Variants in PCDH15 observed in about 807,000 individuals in gnomAD.
PCDH15 encodes the protein protocadherin related 15, also known as protocadherin-15.
PCDH15 carries 129 observed loss-of-function variants against 178.5 expected under a neutral mutation model. That is an observed-to-expected ratio of 0.72 (90% CI 0.63 to 0.84). The LOEUF is 0.84. Among genes scored for constraint, PCDH15 ranks in the 40% least tolerant of loss-of-function variants. PCDH15 has a pLI of 0.00. For synonymous variants in PCDH15, 800 were observed against 732.0 expected (o/e 1.09, Z -1.50); for missense variants, 2,230 against 2,099.9 (o/e 1.06, Z -1.21).
chr10:55,040,101 C>T (rs1262698644), intron 2 of PCDH15, among the ~76,000 whole-genome samples: 1 of 151,992 alleles, frequency 6.6e-6, no homozygotes, highest in African/African-American at 2.4e-5. Flanking sequence ...AATAAGATCT[C>T]ATGGCAATAA....
Position 53,984,741 on chromosome 10 carries a change from GT to G in PCDH15, c.2868+10907del, listed in dbSNP as rs1259581148. 3.3e-5 allele frequency among the ~76,000 whole-genome samples: 5 copies of G among 152,164 alleles called. No individual in the cohort carries two copies. In the South Asian group the frequency reaches 1.0e-3, roughly 32 times the overall value. On this transcript the variant is annotated intron_variant, in intron 21 of 37. Transcript: ENST00000644397. ...TTTCTCTTCTTTTATTCTCATACCTGTTTTTCCTATCTCTCTTTGCCACCAA... is the reference window on the plus strand; with the variant it reads ...TTTCTCTTCTTTTATTCTCATACCTGTTTTCCTATCTCTCTTTGCCACCAA...
At chr10:55,427,559 T>G (rs575771895) in intron 2 of PCDH15, among the ~76,000 whole-genome samples, 1 of 152,296 alleles carries the variant, frequency 6.6e-6, no homozygotes, top group South Asian at 2.1e-4. Context: ...ACCTACAAAG[T>G]TCAACTCAGG....
intron 2 of PCDH15, among the ~76,000 whole-genome samples, chr10:55,037,231 T>G (rs1341534026): frequency 6.6e-6 from 1 of 152,160 alleles, no homozygotes; most frequent in Admixed American, 6.5e-5. Flanking sequence ...TAATGACATC[T>G]TAATTTTTTT....
intron 2 of PCDH15, among the ~76,000 whole-genome samples, chr10:55,449,676 A>G (rs1285591168): frequency 6.6e-6 from 1 of 152,194 alleles, no homozygotes; most frequent in Non-Finnish European, 1.5e-5. Flanking sequence ...TATTAATCTT[A>G]AAGACCTGAG....
At chr10:53,840,908 G>A (rs1004059799) in intron 28 of PCDH15, among the ~76,000 whole-genome samples, 6 of 152,314 alleles carry the variant, frequency 3.9e-5, no homozygotes, top group Middle Eastern at 3.4e-3. Flanking sequence ...CACATGACAC[G>A]TAGCTATATG....
At chr10:53,831,586 T>C (rs942291917) in intron 29 of PCDH15, 53 bp from the exon 30 acceptor site, 38 of 1,306,754 alleles carry the variant, frequency 2.9e-5, no homozygotes, top group Non-Finnish European at 4.1e-5. Context: ...GAAAGAGCAT[T>C]TTAAAAATAA....
At chr10:55,554,281 G>A (rs1191314069) in intron 2 of PCDH15, among the ~76,000 whole-genome samples, 1 of 151,952 alleles carries the variant, frequency 6.6e-6, no homozygotes, top group Non-Finnish European at 1.5e-5. Context: ...CTTCGTTTTT[G>A]AAGGTATGGA....
chr10:55,122,512 T>C (rs1401055878), intron 2 of PCDH15, among the ~76,000 whole-genome samples: 3 of 151,912 alleles, frequency 2.0e-5, no homozygotes, highest in Non-Finnish European at 4.4e-5. Flanking sequence ...GAATTGAGAG[T>C]TTGAAGGGCA....
In PCDH15 at chr10:54,174,702, C is replaced by CTTTTTTTTTTTT. The variant is rs1169302544; in HGVS notation, c.1590+8730_1590+8741dup. ...CTTCTTTCTTTTTTCTTTTTCTTTTCTTTTTTTTTTTTTTTTTTTTTGAGA... is the reference window on the plus strand; with the variant it reads ...CTTCTTTCTTTTTTCTTTTTCTTTTCTTTTTTTTTTTTTTTTTTTTTTTTTTTTTTTTTGAGA... On this transcript the variant is annotated intron_variant, in intron 13 of 37. Transcript: ENST00000644397. 1.3e-3 allele frequency among the ~76,000 whole-genome samples: 106 copies of CTTTTTTTTTTTT among 84,040 alleles called. 1 individual carries two copies. Among genetic ancestry groups the CTTTTTTTTTTTT allele is most frequent in the East Asian group, 2.4e-3 (8 of 3,366 alleles). The allele number at this position is 84,040 out of a possible 152,430, so 55.1% of individuals were successfully genotyped here.
chr10:54,753,376 G>A (rs530488771), intron 1 of PCDH15, among the ~76,000 whole-genome samples: 5 of 152,002 alleles, frequency 3.3e-5, no homozygotes, highest in Non-Finnish European at 7.4e-5. Flanking sequence ...CAGAGACGGG[G>A]TTTCACCATG....
intron 3 of PCDH15, among the ~76,000 whole-genome samples, chr10:54,856,960 G>GT (rs202101536): frequency 0.02 from 3,089 of 151,702 alleles, 102 homozygotes; most frequent in African/African-American, 0.068. Context: ...TTTTGTTTTT[G>GT]TTTTTTTTAC....
chr10:54,330,581 A>T (rs990187889), intron 6 of PCDH15, among the ~76,000 whole-genome samples: 1 of 151,778 alleles, frequency 6.6e-6, no homozygotes, highest in Non-Finnish European at 1.5e-5. Context: ...CAGGTTATAT[A>T]TCATTTTTTT....
rs1840560061 is a variant in PCDH15, at chr10:55,029,652, G to A, written c.-79-132152C>T. On this transcript the variant is annotated intron_variant, in intron 2 of 5. Transcript: ENST00000458638. The stretch of plus-strand genomic sequence containing the variant: ...TAGAAAGCACCCTAATGTGGTCTTG[G>A]TCAATCAATGGTAACTGCCTGTTCC... 2.0e-5 allele frequency among the ~76,000 whole-genome samples: 3 copies of A among 152,092 alleles called. No individual in the cohort carries two copies. The South Asian group carries it at 6.2e-4, about 32-fold the overall frequency.
intron 8 of PCDH15, among the ~76,000 whole-genome samples, chr10:54,286,011 G>A (rs1360659121): frequency 6.6e-6 from 1 of 152,206 alleles, no homozygotes; most frequent in Non-Finnish European, 1.5e-5. Context: ...TTTCATAGTA[G>A]AGAGTAAAAC....
chr10:54,358,881 A>C (rs1945507502), intron 5 of PCDH15, among the ~76,000 whole-genome samples: 1 of 151,938 alleles, frequency 6.6e-6, no homozygotes, highest in East Asian at 1.9e-4. Context: ...TGAAACTGGA[A>C]ATCATCATTC....
Position 53,832,068 on chromosome 10 carries a change from A to T in PCDH15, c.3984-535T>A. On this transcript the variant is annotated intron_variant, in intron 29 of 37. Coordinates refer to ENST00000644397, the MANE Select transcript of PCDH15 (RefSeq NM_001384140.1). ...TATTTGTTTGCCATAACACCATCTT[A>T]AAAGTAAACATTCTCAAGTTTCAAA... Among the ~76,000 whole-genome samples the T allele has an allele frequency of 1.1e-4, 16 of 151,292 alleles. 1 individual carries two copies. The highest frequency in any genetic ancestry group is 3.9e-4 in the African/African-American group (16 of 40,626).
At chr10:54,055,618 G>A (rs2093869416) in intron 18 of PCDH15, among the ~76,000 whole-genome samples, 1 of 152,006 alleles carries the variant, frequency 6.6e-6, no homozygotes, top group Admixed American at 6.6e-5. Context: ...CTCCTACAAA[G>A]GCCAGACACC....
chr10:54,017,900 C>A (rs2092793453), intron 20 of PCDH15, among the ~76,000 whole-genome samples: 1 of 152,020 alleles, frequency 6.6e-6, no homozygotes, highest in Admixed American at 6.6e-5. Context: ...AATCCATACC[C>A]CAAAATTTTA....
intron 9 of PCDH15, among the ~76,000 whole-genome samples, chr10:54,230,530 T>A (rs1028977007): frequency 1.3e-5 from 2 of 152,046 alleles, no homozygotes; most frequent in Non-Finnish European, 2.9e-5. Flanking sequence ...ATGTGATATA[T>A]GCATTGAGGA....
Sources: gnomAD v4.1 joint callset for allele counts (sites outside exome capture counted in the v4.1 genomes callset) on GRCh38, gnomAD v4.1.1 for gene constraint, MANE v1.5 for transcripts, NCBI Gene and HGNC (gene_info 2026-07-23, HGNC 2026-07-21) for gene names.